Variants in AMZ1 observed in about 807,000 individuals in gnomAD.
The protein encoded by AMZ1 is archaemetzincin-1.
In AMZ1, 39 loss-of-function variants were observed where a neutral mutation model predicts 29.9. The observed-to-expected ratio is 1.30, with a 90% confidence interval of 1.01 to 1.70. AMZ1 has a LOEUF of 1.70. Ranked by LOEUF, AMZ1 falls within the 40% of genes most tolerant of loss-of-function variation. AMZ1 has a pLI of 0.00. For synonymous variants in AMZ1, 458 were observed against 304.0 expected, an observed-to-expected ratio of 1.51 and a Z score of -5.27; for missense variants, 1,041 against 680.6, an observed-to-expected ratio of 1.53 and a Z score of -5.89.
chr7:2,734,162 G>C (rs1042238569), intron 4 of AMZ1, among the ~76,000 whole-genome samples: 2 of 152,184 alleles, frequency 1.3e-5, no homozygotes, highest in East Asian at 1.9e-4. Context: ...GGGCCCTGCG[G>C]AATCACCCAG....
intron 1 of AMZ1, among the ~76,000 whole-genome samples, chr7:2,692,133 G>A (rs990032200): frequency 6.6e-6 from 1 of 152,186 alleles, no homozygotes; most frequent in African/African-American, 2.4e-5. Context: ...TGTGGCGTCG[G>A]GTGCTCCGAG....
rs370495666 is a variant in AMZ1 at position 2,711,881 on chromosome 7, T to TA, written c.949-443dup. On this transcript the variant is annotated intron_variant, in intron 6 of 6. Transcript: ENST00000683327. ...TAACATGGTGAAACCCCGTCTCCAC[T>TA]AAAAAATGTAAAAATTAGCCAGGCA... is the stretch of plus-strand genomic sequence containing the variant. Among the ~76,000 whole-genome samples, 1,109 of 152,090 alleles carry TA rather than the reference T, an allele frequency of 7.3e-3. 13 individuals carry two copies. The highest frequency in any genetic ancestry group is 0.025 in the African/African-American group (1,032 of 41,476).
rs1482623980 is a variant in AMZ1, at chr7:2,700,392, C to T, written c.-60C>T. On this transcript the variant is annotated 5_prime_UTR_variant, in exon 2 of 7. Coordinates refer to ENST00000683327, the MANE Select transcript of AMZ1 (RefSeq NM_001384743.1). ...TCTGGACGAGACCGTGGCCGTCCCC[C>T]GGGTGGCCCATGGACAGCAGCAGGG... 22 of 1,546,066 alleles carry T rather than the reference C, an allele frequency of 1.4e-5. No individual in the cohort carries two copies. Among genetic ancestry groups the T allele is most frequent in the Admixed American group, 8.9e-5 (5 of 55,954 alleles).
At position 2,709,609 on chromosome 7, in the gene AMZ1, G is replaced by C. The variant is rs756926006; in HGVS notation, c.772-31G>C. The C allele has an allele frequency of 1.9e-6, 3 of 1,597,044 alleles. No individual in the cohort carries two copies. In the East Asian group the frequency reaches 6.7e-5, roughly 36 times the overall value. On this transcript the variant is annotated intron_variant, in intron 5 of 6. Coordinates refer to ENST00000683327, the MANE Select transcript of AMZ1 (RefSeq NM_001384743.1). ...CTGCCGGATGCAGGGGCAAGGCAGT[G>C]AGGCAAGGTGCTTGGTGGCCTTCCC...
At chr7:2,694,600 A>T (rs1336429999) in intron 1 of AMZ1, among the ~76,000 whole-genome samples, 1 of 151,918 alleles carries the variant, frequency 6.6e-6, no homozygotes, top group Non-Finnish European at 1.5e-5. Context: ...ATAATCCTAT[A>T]AATATACATG....
At position 2,717,230 on chromosome 7, in the gene AMZ1, T is replaced by A. The variant is rs1285441246; in HGVS notation, c.*4352T>A. ...TGGGGCTTCACTGATTTGTTTTGTT[T>A]ATAAAAGGAGGGCGAGGCCTGCACA... On this transcript the variant is annotated 3_prime_UTR_variant, in exon 7 of 7. Transcript: ENST00000683327. 6.6e-6 allele frequency among the ~76,000 whole-genome samples: 1 copy of A among 152,158 alleles called. No homozygotes were observed. The highest frequency in any genetic ancestry group is 1.5e-5 in the Non-Finnish European group (1 of 68,030).
At chr7:2,733,283 C>T (rs559987671) in intron 4 of AMZ1, among the ~76,000 whole-genome samples, 1 of 152,184 alleles carries the variant, frequency 6.6e-6, no homozygotes, top group Non-Finnish European at 1.5e-5. Flanking sequence ...TGAGACGGGG[C>T]CCAGATCCAA....
Position 2,709,184 on chromosome 7 carries a change from C to T in AMZ1, c.711C>T (p.Pro237=). ...VEAAADGPEA[P]LQDRGWALCF... is the part of the protein sequence containing the mutation. ...CAGCAGCAGACGGCCCCGAGGCCCC[C>T]CTGCAGGACAGGGGCTGGGCCCTGT... Residue 237 remains proline (P), a synonymous_variant, in exon 5 of 7, where the codon CCC becomes CCT. Coordinates refer to ENST00000683327, the MANE Select transcript of AMZ1 (RefSeq NM_001384743.1). 1 of 1,538,894 alleles carries T rather than the reference C, an allele frequency of 6.5e-7. No individual in the cohort carries two copies. The highest frequency in any genetic ancestry group is 8.7e-7 in the Non-Finnish European group (1 of 1,144,866).
upstream of AMZ1, chr7:2,762,813 C>A: frequency 6.5e-7 from 1 of 1,527,606 alleles, no homozygotes; most frequent in South Asian, 1.2e-5. Context: ...AGGGCGGCCT[C>A]CCATCCGCCA....
upstream of AMZ1, among the ~76,000 whole-genome samples, chr7:2,687,321 C>T (rs140755261): frequency 0.013 from 2,018 of 150,916 alleles, 36 homozygotes; most frequent in African/African-American, 0.047. Flanking sequence ...AGCGAGACTC[C>T]ATCTAAAAAA....
chr7:2,757,976 T>C (rs1036408019), intron 4 of AMZ1, among the ~76,000 whole-genome samples: 2 of 152,196 alleles, frequency 1.3e-5, no homozygotes, highest in African/African-American at 4.8e-5. Flanking sequence ...CCTGCAAATG[T>C]AGCTGCCTGG....
chr7:2,746,072 G>A (rs1450988107), intron 4 of AMZ1, among the ~76,000 whole-genome samples: 1 of 152,098 alleles, frequency 6.6e-6, no homozygotes, highest in Non-Finnish European at 1.5e-5. Context: ...ATAATAATGG[G>A]AGACTTTAAC....
upstream of AMZ1, chr7:2,762,904 G>A (rs920927072): frequency 2.1e-6 from 3 of 1,421,654 alleles, no homozygotes; most frequent in Non-Finnish European, 2.8e-6. Context: ...CTGCGGCGGG[G>A]AGAAGAGGCC....
At chr7:2,743,313 A>G (rs1419531929) in intron 4 of AMZ1, among the ~76,000 whole-genome samples, 3 of 152,220 alleles carry the variant, frequency 2.0e-5, no homozygotes, top group Non-Finnish European at 4.4e-5. Flanking sequence ...CATTAGATGG[A>G]TGAACAGAAC....
intron 1 of AMZ1, among the ~76,000 whole-genome samples, chr7:2,693,857 C>A (rs140473406): frequency 2.6e-5 from 4 of 152,168 alleles, no homozygotes; most frequent in Admixed American, 1.3e-4. Flanking sequence ...AGCCAGCCAG[C>A]CTTTTCTTTT....
At chr7:2,711,283 C>G (rs1033705055) in intron 6 of AMZ1, among the ~76,000 whole-genome samples, 1 of 152,190 alleles carries the variant, frequency 6.6e-6, no homozygotes, top group Admixed American at 6.5e-5. Context: ...TGCTGGAGAG[C>G]TGACCAAGGG....
At position 2,716,042 on chromosome 7, in the gene AMZ1, T is replaced by A. The variant is rs1309101142; in HGVS notation, c.*3164T>A. 1 of 152,216 alleles carries A rather than the reference T, an allele frequency of 6.6e-6. No individual in the cohort carries two copies. Among genetic ancestry groups the A allele is most frequent in the Non-Finnish European group, 1.5e-5 (1 of 68,036 alleles). The allele number at this position is 152,216 out of a possible 1,614,324, so 9.4% of individuals were successfully genotyped here. ...ACCTCTCTTCGGAGAGCCTCACCCA[T>A]CTTGGTAAGCCAAGTCAGCGGGGCC... On this transcript the variant is annotated 3_prime_UTR_variant, in exon 7 of 7. Coordinates refer to ENST00000683327, the MANE Select transcript of AMZ1 (RefSeq NM_001384743.1).
In AMZ1 at chr7:2,751,410, A is replaced by C. The variant is rs571184356; in HGVS notation, n.551-13302A>C. ...TTTCAAAGAAAAAAGAAAAAAAAAA[A>C]AAACAGCTTATAGAAGAGAAAAAAT... is the stretch of plus-strand genomic sequence containing the variant. On this transcript the variant is annotated intron_variant and non_coding_transcript_variant, in intron 4 of 4. Transcript: ENST00000489665. Among the ~76,000 whole-genome samples the C allele has an allele frequency of 2.0e-4, 31 of 151,946 alleles. No homozygotes were observed. In the South Asian group the frequency reaches 2.9e-3, roughly 14 times the overall value.
At chr7:2,684,125 C>T (rs756801370), upstream of AMZ1, among the ~76,000 whole-genome samples, 27 of 152,018 alleles carry the variant, frequency 1.8e-4, no homozygotes, top group Non-Finnish European at 7.4e-5. Flanking sequence ...TTGCAGTGAG[C>T]CAAGATCACG....
Sources: allele counts gnomAD v4.1 joint callset (sites outside exome capture counted in the v4.1 genomes callset), GRCh38; gene constraint gnomAD v4.1.1; transcripts MANE v1.5; gene names NCBI Gene and HGNC (gene_info 2026-07-23, HGNC 2026-07-21).